The following UBALD1 variants were observed in gnomAD, a reference collection of about 807,000 sequenced individuals.
UBALD1 encodes the protein UBA-like domain-containing protein 1.
A neutral mutation model predicts 16.1 loss-of-function variants in UBALD1; 5 were observed. That is an observed-to-expected ratio of 0.31 (90% CI 0.16 to 0.66). UBALD1 has a LOEUF of 0.66. UBALD1 is among the 30% of genes least tolerant of loss of function. UBALD1 has a pLI of 0.77. For missense variants in UBALD1, 220 were observed against 252.8 expected (o/e 0.87, Z 0.88); for synonymous variants, 146 against 105.3 (o/e 1.39, Z -2.37).
At chr16:4,610,297 G>T (rs775491074) in intron 2 of UBALD1, 196 bp downstream of exon 2, 2 of 713,392 alleles carry the variant, frequency 2.8e-6, no homozygotes, top group South Asian at 3.0e-5. Flanking sequence ...CGCCCCCCAG[G>T]TCTCAGGGGG....
At chr16:4,612,566 CCA>C (rs1897371400) in intron 1 of UBALD1, among the ~76,000 whole-genome samples, 1 of 152,092 alleles carries the variant, frequency 6.6e-6, no homozygotes, top group African/African-American at 2.4e-5. Flanking sequence ...GAGCCCCAGG[CCA>C]CACCAGACCC....
At chr16:4,612,704 C>T (rs528179411) in intron 1 of UBALD1, among the ~76,000 whole-genome samples, 15 of 152,282 alleles carry the variant, frequency 9.9e-5, no homozygotes, top group East Asian at 3.9e-4. Flanking sequence ...CCAGAAACAC[C>T]GCCTGGTGGA....
intron 1 of UBALD1, chr16:4,614,472 G>A (rs761249770): frequency 3.9e-6 from 3 of 776,212 alleles, no homozygotes; most frequent in South Asian, 5.9e-5. Flanking sequence ...GCGTATCCCC[G>A]ACCGGTGGCC....
Position 4,609,696 on chromosome 16 carries a change from G to A in UBALD1, c.471C>T (p.Pro157=), listed in dbSNP as rs1233234081. 2.1e-5 allele frequency: 31 copies of A among 1,483,194 alleles called. No homozygotes were observed. Among genetic ancestry groups the A allele is most frequent in the Non-Finnish European group, 2.8e-5 (31 of 1,119,222 alleles). The allele number at this position is 1,483,194 out of a possible 1,614,324, so 91.9% of individuals were successfully genotyped here. Residue 157 remains proline, a synonymous_variant, in exon 3 of 3, where the codon CCC becomes CCT. Transcript: ENST00000283474. ...TPPSPASDWP[P]LAPQQATSEP... ...CTGAGGTGGCCTGTTGGGGGGCCAGGGGTGGCCAGTCTGAAGCCGGAGAAG... is the reference window on the plus strand; with the variant it reads ...CTGAGGTGGCCTGTTGGGGGGCCAGAGGTGGCCAGTCTGAAGCCGGAGAAG...
rs773699295 is a variant in UBALD1, at chr16:4,610,595, G to A, written c.121-40C>T. 2.8e-5 allele frequency: 44 copies of A among 1,580,994 alleles called. No homozygotes were observed. In the East Asian group the frequency reaches 5.5e-4, roughly 20 times the overall value. ...GCCCCTGCTCACCCTCCAGGCCCCC[G>A]CCGGCCCTGCCGCTGCCCTTGTTCC... On this transcript the variant is annotated intron_variant, in intron 1 of 2. Coordinates refer to ENST00000283474, the MANE Select transcript of UBALD1 (RefSeq NM_145253.3).
Position 4,614,811 on chromosome 16 carries a change from T to G in UBALD1, c.-14A>C. 1 of 1,492,200 alleles carries G rather than the reference T, an allele frequency of 6.7e-7. No individual in the cohort carries two copies. The highest frequency in any genetic ancestry group is 1.3e-5 in the South Asian group (1 of 75,688). 92.4% of individuals were successfully genotyped at this position (1,492,200 alleles called of 1,614,324 possible). On this transcript the variant is annotated 5_prime_UTR_variant, in exon 1 of 3. Transcript: ENST00000283474. Reference sequence around the variant, plus strand: ...GTTCACGGACATGGCGCCGCCGCGCTGCCCGCTCCGGCCTCCCTCCTCCGC... The same window carrying G: ...GTTCACGGACATGGCGCCGCCGCGCGGCCCGCTCCGGCCTCCCTCCTCCGC...
chr16:4,609,710 A>AACT lies in UBALD1; in HGVS notation c.456_457insAGT (p.Ser153dup). ...TGGGGGGCCAGGGGTGGCCAGTCTG[A>AACT]AGCCGGAGAAGGGGGTGTTGGAGTC... On this transcript the variant is annotated inframe_insertion, in exon 3 of 3. Transcript: ENST00000283474. 1 of 1,473,174 alleles carries AACT rather than the reference A, an allele frequency of 6.8e-7. No homozygotes were observed. The highest frequency in any genetic ancestry group is 9.0e-7 in the Non-Finnish European group (1 of 1,113,332). The allele number at this position is 1,473,174 out of a possible 1,614,324, so 91.3% of individuals were successfully genotyped here.
chr16:4,610,202 G>A (rs754216407), intron 2 of UBALD1: 63 of 712,386 alleles, frequency 8.8e-5, no homozygotes, highest in African/African-American at 3.0e-4. Flanking sequence ...CTGGGGCCAC[G>A]AGGCTTTCCC....
chr16:4,610,236 C>G (rs1897342016), intron 2 of UBALD1: 1 of 711,988 alleles, frequency 1.4e-6, no homozygotes, highest in Admixed American at 2.0e-5. Context: ...CCATCAGCCA[C>G]AGCATCCCCG....
In UBALD1 at chr16:4,610,493, C is replaced by T; in HGVS notation, c.183G>A (p.Met61Ile). Residue 61 changes from methionine (M) to isoleucine (I), a missense_variant and splice_region_variant, in exon 2 of 3, where the codon ATG (methionine) becomes ATA (isoleucine). By Grantham distance (10) the Met-to-Ile change is conservative. Transcript: ENST00000283474. ...NIPYSHHHHQ[M>I]MCTPANTPAT... ...AACTGGGGACTCCGGGGACACTTACCATCTGGTGGTGATGGTGGCTGTAGG... is the reference window on the plus strand; with the variant it reads ...AACTGGGGACTCCGGGGACACTTACTATCTGGTGGTGATGGTGGCTGTAGG... The T allele has an allele frequency of 6.2e-7, 1 of 1,605,166 alleles. No individual in the cohort carries two copies.
intron 1 of UBALD1, among the ~76,000 whole-genome samples, chr16:4,612,915 G>T (rs1037640441): frequency 1.1e-4 from 16 of 151,892 alleles, no homozygotes; most frequent in Non-Finnish European, 1.8e-4. Context: ...AGAGGCCCCA[G>T]ATGCTCCTGC....
intron 2 of UBALD1, 83 bp downstream of exon 2, chr16:4,610,410 C>A (rs1897344680): frequency 1.4e-6 from 2 of 1,467,994 alleles, no homozygotes; most frequent in South Asian, 1.4e-5. Flanking sequence ...CCCTCGTACA[C>A]CGGGGCCAGG....
rs1037249844 is a variant in UBALD1 at position 4,609,051 on chromosome 16, C to CT, written c.*581_*582insA. Reference sequence around the variant, plus strand: ...TCCTTTTCTCTGCAAGGAACAGCAACGCTGGCTGACGAGGGGGTGGGGAGG... The same window carrying CT: ...TCCTTTTCTCTGCAAGGAACAGCAACTGCTGGCTGACGAGGGGGTGGGGAGG... On this transcript the variant is annotated 3_prime_UTR_variant, in exon 3 of 3. Transcript: ENST00000283474. 3 of 125,670 alleles carry CT rather than the reference C, an allele frequency of 2.4e-5. No individual in the cohort carries two copies. The highest frequency in any genetic ancestry group is 9.1e-5 in the Admixed American group (1 of 11,034). The allele number at this position is 125,670 out of a possible 1,614,324, so 7.8% of individuals were successfully genotyped here.
chr16:4,610,406 T>C, intron 2 of UBALD1, 87 bp downstream of exon 2: 2 of 1,449,640 alleles, frequency 1.4e-6, no homozygotes, highest in South Asian at 2.7e-5. Flanking sequence ...AGCGCCCTCG[T>C]ACACCGGGGC....
intron 1 of UBALD1, 173 bp from the exon 2 acceptor site, chr16:4,610,728 T>C: frequency 1.5e-6 from 1 of 676,664 alleles, no homozygotes; most frequent in South Asian, 2.0e-5. Flanking sequence ...CCCTCACTGC[T>C]GTCTAAGGAG....
In UBALD1 at chr16:4,609,853, G is replaced by A. The variant is rs1183222872; in HGVS notation, c.314C>T (p.Thr105Met). The change falls in exon 3 of 3, where the codon ACG becomes ATG. Residue 105 changes from threonine to methionine, a missense_variant. Thr to Met is a moderately conservative substitution (Grantham distance 81, BLOSUM62 -1). This residue lies in a region of UBALD1 where 151 missense variants were observed against 132.6 expected (regional missense o/e 1.14). Transcript: ENST00000283474. Reference sequence around the variant, plus strand: ...ATGGGGGAAGTGTGGCGGGGGTGACGTGGCTGTCGCGGCCATCGGGCTGCC... The same window carrying A: ...ATGGGGGAAGTGTGGCGGGGGTGACATGGCTGTCGCGGCCATCGGGCTGCC... ...GSGSPMAATA[T>M]SPPPHFPHAA... The A allele has an allele frequency of 1.1e-5, 16 of 1,515,722 alleles. No individual in the cohort carries two copies. The highest frequency in any genetic ancestry group is 2.3e-5 in the East Asian group (1 of 42,626). 93.9% of individuals were successfully genotyped at this position (1,515,722 alleles called of 1,614,324 possible).
At chr16:4,610,611 C>T (rs761320608) in intron 1 of UBALD1, 56 bp from the exon 2 acceptor site, 1 of 1,566,540 alleles carries the variant, frequency 6.4e-7, no homozygotes, top group Non-Finnish European at 8.7e-7. Context: ...CCTGCCGCTG[C>T]CCTTGTTCCC....
Position 4,609,309 on chromosome 16 carries a change from T to G in UBALD1, c.*324A>C. 7.7e-6 allele frequency: 2 copies of G among 259,966 alleles called. No individual in the cohort carries two copies. Among genetic ancestry groups the G allele is most frequent in the Non-Finnish European group, 1.5e-5 (2 of 137,656 alleles). The allele number at this position is 259,966 out of a possible 1,614,324, so 16.1% of individuals were successfully genotyped here. ...GGGATCAGCAATGTCTCTGCCAGGG[T>G]GGTCCTCCACGGCACCCCTGGGCTG... On this transcript the variant is annotated 3_prime_UTR_variant, in exon 3 of 3. Transcript: ENST00000283474.
chr16:4,614,219 G>C (rs1567149073), intron 1 of UBALD1: 1 of 318,776 alleles, frequency 3.1e-6, no homozygotes, highest in East Asian at 4.9e-5. Context: ...AAACACAAAT[G>C]CACATGGACG....
Sources: gnomAD v4.1 joint callset for allele counts (sites outside exome capture counted in the v4.1 genomes callset) on GRCh38, gnomAD v4.1.1 for gene constraint, gnomAD v4.1.1 regional missense constraint, MANE v1.5 for transcripts, NCBI Gene and HGNC (gene_info 2026-07-23, HGNC 2026-07-21) for gene names.